CLSTN2: variants seen among roughly 807,000 people sequenced by gnomAD.
CLSTN2 encodes the protein calsyntenin-2.
Under a neutral mutation model 101.2 loss-of-function variants are expected in CLSTN2, and 48 were observed. The ratio of observed to expected loss-of-function variants is 0.47; its 90% CI spans 0.38 to 0.60. CLSTN2 has a LOEUF of 0.60. CLSTN2 is among the 20% of genes least tolerant of loss of function. CLSTN2 has a pLI of 0.00. For missense variants in CLSTN2, 1,160 were observed against 1,238.2 expected, an observed-to-expected ratio of 0.94 and a Z score of 0.95; for synonymous variants, 481 against 463.6, an observed-to-expected ratio of 1.04 and a Z score of -0.48.
chr3:140,406,254 G>C (rs1416897254), intron 4 of CLSTN2, among the ~76,000 whole-genome samples: 1 of 152,182 alleles, frequency 6.6e-6, no homozygotes, highest in Non-Finnish European at 1.5e-5. Context: ...TGTACCCTGA[G>C]ACTGCGGCAG....
intron 1 of CLSTN2, among the ~76,000 whole-genome samples, chr3:140,039,724 A>C (rs556405486): frequency 6.6e-6 from 1 of 152,246 alleles, no homozygotes; most frequent in South Asian, 2.1e-4. Flanking sequence ...TAGGCTCTGG[A>C]GAATGTCTTG....
intron 1 of CLSTN2, among the ~76,000 whole-genome samples, chr3:139,968,040 G>T (rs1935634308): frequency 6.6e-6 from 1 of 152,028 alleles, no homozygotes; most frequent in Non-Finnish European, 1.5e-5. Context: ...TAAATATTAG[G>T]TACAATCAAA....
chr3:139,970,082 AG>A (rs1285406668), intron 1 of CLSTN2, among the ~76,000 whole-genome samples: 1 of 152,140 alleles, frequency 6.6e-6, no homozygotes, highest in African/African-American at 2.4e-5. Context: ...TGTGTGATGG[AG>A]GGTAATACAA....
At chr3:140,082,864 T>C (rs1433620450) in intron 1 of CLSTN2, among the ~76,000 whole-genome samples, 1 of 152,198 alleles carries the variant, frequency 6.6e-6, no homozygotes, top group Non-Finnish European at 1.5e-5. Flanking sequence ...CTTTTATATA[T>C]TCTCCATCTT....
At chr3:140,381,878 G>A (rs114968845) in intron 2 of CLSTN2, among the ~76,000 whole-genome samples, 11 of 152,152 alleles carry the variant, frequency 7.2e-5, no homozygotes, top group South Asian at 2.1e-4. Flanking sequence ...GGAAAACAAG[G>A]GTTCTTCAAA....
intron 1 of CLSTN2, among the ~76,000 whole-genome samples, chr3:140,019,008 T>A (rs1438451361): frequency 3.9e-5 from 6 of 152,048 alleles, no homozygotes; most frequent in Non-Finnish European, 7.3e-5. Flanking sequence ...CAAGAGAGGG[T>A]CTAATCAGAT....
intron 5 of CLSTN2, among the ~76,000 whole-genome samples, chr3:140,429,369 C>T (rs965616397): frequency 3.9e-5 from 6 of 152,120 alleles, no homozygotes; most frequent in African/African-American, 7.2e-5. Context: ...GATACTTAAC[C>T]TTGGACCAGG....
chr3:140,477,481 A>C (rs1934012395), intron 8 of CLSTN2, among the ~76,000 whole-genome samples: 1 of 152,206 alleles, frequency 6.6e-6, no homozygotes, highest in Admixed American at 6.5e-5. Flanking sequence ...AACATATTAC[A>C]TGTGAGGGAA....
intron 16 of CLSTN2, 129 bp downstream of exon 16, chr3:140,564,274 C>A: frequency 1.3e-6 from 1 of 751,696 alleles, no homozygotes; most frequent in Non-Finnish European, 2.2e-6. Context: ...AGTCCAGCTC[C>A]ACTGATTCTT....
At chr3:139,937,114 G>A (rs987440036) in intron 1 of CLSTN2, among the ~76,000 whole-genome samples, 6 of 151,654 alleles carry the variant, frequency 4.0e-5, no homozygotes, top group African/African-American at 4.9e-5. Context: ...GGGGGTGGGG[G>A]GGAGGAGATT....
Position 140,571,309 on chromosome 3 carries a change from A to G in CLSTN2, c.*5056A>G, listed in dbSNP as rs768147304. The G allele has an allele frequency of 2.6e-5, 4 of 152,250 alleles. No individual in the cohort carries two copies. Among genetic ancestry groups the G allele is most frequent in the African/African-American group, 9.6e-5 (4 of 41,460 alleles). The allele number at this position is 152,250 out of a possible 1,614,324, so 9.4% of individuals were successfully genotyped here. ...GACCAAGCACACTTCGAAATTAGCA[A>G]TCTTCTTGGCTCTATGGCTCAATAT... On this transcript the variant is annotated 3_prime_UTR_variant, in exon 17 of 17. Transcript: ENST00000458420.
intron 9 of CLSTN2, among the ~76,000 whole-genome samples, chr3:140,543,830 G>T (rs566262942): frequency 1.3e-5 from 2 of 152,314 alleles, no homozygotes; most frequent in African/African-American, 4.8e-5. Context: ...GCCTCAATTT[G>T]TTCTCATGAT....
At chr3:140,531,477 C>G (rs1935253566) in intron 8 of CLSTN2, among the ~76,000 whole-genome samples, 1 of 152,150 alleles carries the variant, frequency 6.6e-6, no homozygotes, top group Admixed American at 6.5e-5. Context: ...ATTCAGAACT[C>G]ATCTGTCTCC....
chr3:140,206,402 G>A (rs571763748), intron 2 of CLSTN2, among the ~76,000 whole-genome samples: 26 of 152,282 alleles, frequency 1.7e-4, no homozygotes, highest in Middle Eastern at 3.4e-3. Context: ...AGGAAGAGTG[G>A]CAGGGCAGAG....
At chr3:140,102,660 G>T (rs2008987411) in intron 1 of CLSTN2, among the ~76,000 whole-genome samples, 1 of 152,158 alleles carries the variant, frequency 6.6e-6, no homozygotes, top group Non-Finnish European at 1.5e-5. Flanking sequence ...TCTTCACATT[G>T]TTAATGATAC....
chr3:140,415,995 T>C (rs2088427906), intron 4 of CLSTN2, among the ~76,000 whole-genome samples: 1 of 152,108 alleles, frequency 6.6e-6, no homozygotes, highest in East Asian at 1.9e-4. Context: ...ATGTGGGAGA[T>C]ACAAACATAC....
chr3:140,516,398 CT>C (rs942350819), intron 8 of CLSTN2, among the ~76,000 whole-genome samples: 21 of 151,930 alleles, frequency 1.4e-4, no homozygotes, highest in Admixed American at 3.9e-4. Context: ...GAATACCTTG[CT>C]TTTTTTCATA....
chr3:140,149,211 T>C (rs1357589060), intron 1 of CLSTN2, among the ~76,000 whole-genome samples: 5 of 152,052 alleles, frequency 3.3e-5, no homozygotes, highest in African/African-American at 1.2e-4. Context: ...TCCTTGAGAG[T>C]GAACAAGTAT....
rs150446652 is a variant in CLSTN2 at position 140,521,836 on chromosome 3, G to T, written c.1345-10488G>T. Reference sequence around the variant, plus strand: ...GCTCACTGGAATTCCAAGCCAGTGGGTCTTAACTTGTAAGGTGCCGTTGAA... The same window carrying T: ...GCTCACTGGAATTCCAAGCCAGTGGTTCTTAACTTGTAAGGTGCCGTTGAA... On this transcript the variant is annotated intron_variant, in intron 8 of 16. Coordinates refer to ENST00000458420, the MANE Select transcript of CLSTN2 (RefSeq NM_022131.3). Among the ~76,000 whole-genome samples, 303 of 152,316 alleles carry T rather than the reference G, an allele frequency of 2.0e-3. 1 individual carries two copies. Among genetic ancestry groups the T allele is most frequent in the African/African-American group, 6.8e-3 (284 of 41,584 alleles).
Sources: allele counts gnomAD v4.1 joint callset (sites outside exome capture counted in the v4.1 genomes callset), GRCh38; gene constraint gnomAD v4.1.1; transcripts MANE v1.5; gene names NCBI Gene and HGNC (gene_info 2026-07-23, HGNC 2026-07-21).